TCF12: variants seen among roughly 807,000 people sequenced by gnomAD.
The protein encoded by TCF12 is DNA-binding protein HTF4.
TCF12 carries 45 observed loss-of-function variants against 86.0 expected under a neutral mutation model. The observed-to-expected ratio is 0.52, with a 90% CI of 0.41 to 0.67. The LOEUF (loss-of-function observed/expected upper bound fraction) is 0.67, where lower values mean the gene tolerates loss of function less well. Among genes scored for constraint, TCF12 ranks in the 30% least tolerant of loss-of-function variants. The pLI is 0.00. For synonymous variants in TCF12, 330 were observed against 299.6 expected, an observed-to-expected ratio of 1.10 and a Z score of -1.05; for missense variants, 881 against 859.9, an observed-to-expected ratio of 1.02 and a Z score of -0.31.
rs142969801 is a variant in TCF12 at position 57,046,310 on chromosome 15, T to C, written c.149-17440T>C. Among the ~76,000 whole-genome samples, 511 of 152,350 alleles carry C rather than the reference T, an allele frequency of 3.4e-3. 6 individuals carry two copies. The highest frequency in any genetic ancestry group is 1.8e-3 in the Non-Finnish European group (123 of 68,028). ...GCATGTTTTCTTGAGTTTGTCACCTTACATAGTTACTACAGAGTTCACTAT... is the reference window on the plus strand; with the variant it reads ...GCATGTTTTCTTGAGTTTGTCACCTCACATAGTTACTACAGAGTTCACTAT... On this transcript the variant is annotated intron_variant, in intron 3 of 20. Coordinates refer to ENST00000333725, the MANE Select transcript of TCF12 (RefSeq NM_207037.2).
In TCF12 at chr15:57,243,333, C is replaced by G. The variant is rs2059715077; in HGVS notation, c.1036-139C>G. ...TGAGGCTTCTGTATGATGAAACAGT[C>G]TAAAACTTGACAAGAAATTTTTTCA... On this transcript the variant is annotated intron_variant, in intron 12 of 20. Coordinates refer to ENST00000333725, the MANE Select transcript of TCF12 (RefSeq NM_207037.2). The G allele has an allele frequency of 4.7e-6, 3 of 636,350 alleles. No homozygotes were observed. In the South Asian group the frequency reaches 7.1e-5, roughly 15 times the overall value. The allele number at this position is 636,350 out of a possible 1,614,324, so 39.4% of individuals were successfully genotyped here. A position where few individuals can be genotyped will look rare whatever the true frequency, so the allele number is the denominator to read the frequency against.
chr15:57,275,162 CTT>C (rs1733025925), intron 19 of TCF12, among the ~76,000 whole-genome samples: 1 of 152,296 alleles, frequency 6.6e-6, no homozygotes, highest in South Asian at 2.1e-4. Flanking sequence ...TCTAAGGACT[CTT>C]TGACTGATGA....
At chr15:56,920,902 C>T (rs1724533696) in intron 2 of TCF12, 124 bp from the exon 3 acceptor site, 1 of 634,376 alleles carries the variant, frequency 1.6e-6, no homozygotes, top group South Asian at 2.7e-5. Context: ...CTGAATGTAT[C>T]TCCAATTTTA....
At chr15:56,950,558 A>C (rs1421876333) in intron 3 of TCF12, among the ~76,000 whole-genome samples, 3 of 152,022 alleles carry the variant, frequency 2.0e-5, no homozygotes, top group African/African-American at 7.2e-5. Context: ...AATAAATCAC[A>C]CAGAATGCTC....
chr15:56,939,498 A>G (rs1177788746), intron 3 of TCF12, among the ~76,000 whole-genome samples: 2 of 152,104 alleles, frequency 1.3e-5, no homozygotes, highest in Non-Finnish European at 2.9e-5. Flanking sequence ...TTACCCTAAC[A>G]TTTTTTAGAA....
chr15:57,183,686 AAAT>A (rs1275102766), intron 6 of TCF12, among the ~76,000 whole-genome samples: 3 of 152,146 alleles, frequency 2.0e-5, no homozygotes, highest in Admixed American at 2.0e-4. Context: ...GGAAAGAAAA[AAAT>A]GAAACTGAGT....
intron 8 of TCF12, among the ~76,000 whole-genome samples, chr15:57,202,223 T>C (rs1343463953): frequency 6.6e-6 from 1 of 152,182 alleles, no homozygotes; most frequent in Non-Finnish European, 1.5e-5. Flanking sequence ...ACCATTTTCT[T>C]TTTGAGTGTT....
chr15:57,269,360 C>CTTTTT (rs56700978), intron 18 of TCF12, among the ~76,000 whole-genome samples: 5 of 32,000 alleles, frequency 1.6e-4, no homozygotes, highest in Non-Finnish European at 2.1e-4. Flanking sequence ...ACAACCCCTG[C>CTTTTT]TTTTTTTTTT....
At chr15:57,087,079 CTG>C in intron 4 of TCF12, among the ~76,000 whole-genome samples, 1 of 143,570 alleles carries the variant, frequency 7.0e-6, no homozygotes, top group African/African-American at 2.8e-5. Flanking sequence ...CTCTCTCCCT[CTG>C]TCTCCCTCTG....
At chr15:57,238,686 T>G (rs2059479004) in intron 12 of TCF12, among the ~76,000 whole-genome samples, 1 of 152,254 alleles carries the variant, frequency 6.6e-6, no homozygotes, top group South Asian at 2.1e-4. Flanking sequence ...AATTGTAGTT[T>G]AATCACTCAA....
chr15:57,124,961 C>T (rs981476665), intron 5 of TCF12, among the ~76,000 whole-genome samples: 7 of 152,120 alleles, frequency 4.6e-5, no homozygotes, highest in African/African-American at 9.7e-5. Flanking sequence ...CATGAGCCAC[C>T]GCACCCAGCC....
chr15:57,194,840 A>G (rs767883279), intron 7 of TCF12, among the ~76,000 whole-genome samples: 3 of 152,190 alleles, frequency 2.0e-5, no homozygotes, highest in Non-Finnish European at 4.4e-5. Flanking sequence ...TAGCTGCTAT[A>G]TGATGGAGCT....
chr15:57,086,425 C>G (rs2048634602), intron 4 of TCF12, among the ~76,000 whole-genome samples: 1 of 151,608 alleles, frequency 6.6e-6, no homozygotes. Flanking sequence ...TGCCACATAG[C>G]TTGTATGTAC....
intron 3 of TCF12, among the ~76,000 whole-genome samples, chr15:56,982,564 C>G (rs866080721): frequency 6.6e-6 from 1 of 152,108 alleles, no homozygotes; most frequent in Non-Finnish European, 1.5e-5. Context: ...CAGAATTAAC[C>G]TTAGTAACTG....
chr15:57,210,317 A>C (rs1270948711), intron 8 of TCF12, among the ~76,000 whole-genome samples: 1 of 151,172 alleles, frequency 6.6e-6, no homozygotes, highest in Non-Finnish European at 1.5e-5. Flanking sequence ...GCTACATACT[A>C]GATAATCTAA....
intron 5 of TCF12, among the ~76,000 whole-genome samples, chr15:57,128,026 A>C (rs931660900): frequency 6.6e-6 from 1 of 152,174 alleles, no homozygotes; most frequent in Non-Finnish European, 1.5e-5. Context: ...ATGCAACTCC[A>C]TTGTTCCTGA....
At chr15:57,192,453 A>G (rs149880664) in intron 7 of TCF12, among the ~76,000 whole-genome samples, 160 bp downstream of exon 7, 13 of 151,986 alleles carry the variant, frequency 8.6e-5, no homozygotes, top group Non-Finnish European at 1.9e-4. Flanking sequence ...CAACAGCACA[A>G]TCTTGGCTTA....
At chr15:56,982,864 A>G (rs2062961859) in intron 3 of TCF12, among the ~76,000 whole-genome samples, 1 of 152,210 alleles carries the variant, frequency 6.6e-6, no homozygotes, top group Admixed American at 6.5e-5. Flanking sequence ...ATTTCCTTGT[A>G]GTAGATATAC....
chr15:57,221,427 C>A (rs1404839844), intron 8 of TCF12, among the ~76,000 whole-genome samples: 1 of 131,472 alleles, frequency 7.6e-6, no homozygotes, highest in Non-Finnish European at 1.7e-5. Flanking sequence ...TGTATAAGTT[C>A]AGTAAAATTA....
Sources: gnomAD v4.1 joint callset for allele counts (sites outside exome capture counted in the v4.1 genomes callset) on GRCh38, gnomAD v4.1.1 for gene constraint, MANE v1.5 for transcripts, NCBI Gene and HGNC (gene_info 2026-07-23, HGNC 2026-07-21) for gene names.